The following CTBS variants were observed in gnomAD, a reference collection of about 807,000 sequenced individuals.
CTBS encodes the protein chitobiase.
Under a neutral mutation model 44.3 loss-of-function variants are expected in CTBS, and 35 were observed. The ratio of observed to expected loss-of-function variants is 0.79; its 90% CI spans 0.60 to 1.05. The LOEUF (loss-of-function observed/expected upper bound fraction) is 1.05. Among genes scored for constraint, CTBS ranks in the 50% least tolerant of loss-of-function variants. The pLI, the probability that CTBS is intolerant of heterozygous loss-of-function variation, is 0.00. For missense variants in CTBS, 458 were observed against 475.3 expected (o/e 0.96, Z 0.34); for synonymous variants, 143 against 168.0 (o/e 0.85, Z 1.15).
intron 6 of CTBS, among the ~76,000 whole-genome samples, chr1:84,561,508 TA>T (rs1684593461): frequency 6.6e-6 from 1 of 152,254 alleles, no homozygotes; most frequent in Admixed American, 6.5e-5. Flanking sequence ...ATAAACTTAT[TA>T]ATAAAGCAGC....
At chr1:84,558,337 T>G (rs974391563) in intron 6 of CTBS, among the ~76,000 whole-genome samples, 2 of 151,392 alleles carry the variant, frequency 1.3e-5, no homozygotes, top group Non-Finnish European at 1.5e-5. Flanking sequence ...TCGCCCAGGC[T>G]GGAGTGCAGT....
intron 1 of CTBS, among the ~76,000 whole-genome samples, chr1:84,573,635 C>T (rs11164009): frequency 0.14 from 21,486 of 152,182 alleles, 3,728 homozygotes; most frequent in African/African-American, 0.42. Context: ...TTTCAGTCAT[C>T]GAAGTGGGCA....
Position 84,550,493 on chromosome 1 carries a change from T to C in CTBS, c.*4506A>G. On this transcript the variant is annotated 3_prime_UTR_variant, in exon 7 of 7. Coordinates refer to ENST00000370630, the MANE Select transcript of CTBS (RefSeq NM_004388.3). ...GCAATTGACCAGCTTAAGAGAAAAC[T>C]AGATACTGACAAAATGAAACTCATA... 6.4e-7 allele frequency: 1 copy of C among 1,568,418 alleles called. No homozygotes were observed. Among genetic ancestry groups the C allele is most frequent in the Non-Finnish European group, 8.7e-7 (1 of 1,155,914 alleles).
chr1:84,564,702 A>T (rs1320645107), intron 4 of CTBS, among the ~76,000 whole-genome samples: 1 of 152,126 alleles, frequency 6.6e-6, no homozygotes, highest in Non-Finnish European at 1.5e-5. Context: ...GGGAACCCTC[A>T]ATTAATAATT....
Position 84,563,787 on chromosome 1 carries a change from A to G in CTBS, c.743T>C (p.Val248Ala). The G allele has an allele frequency of 6.2e-7, 1 of 1,609,376 alleles. No homozygotes were observed. Among genetic ancestry groups the G allele is most frequent in the South Asian group, 1.1e-5 (1 of 90,458 alleles). The change falls in exon 5 of 7, where the codon GTA becomes GCA. Residue 248 changes from valine to alanine, a missense_variant. Coordinates refer to ENST00000370630, the MANE Select transcript of CTBS (RefSeq NM_004388.3). ...ATAACCATACCAAGGAACACCCATTACAAGTTTCTTAGGATTAATGCTCAT... is the reference window on the plus strand; with the variant it reads ...ATAACCATACCAAGGAACACCCATTGCAAGTTTCTTAGGATTAATGCTCAT... ...IKMSINPKKL[V>A]MGVPWYGYDY...
rs1477214055 is a variant in CTBS at position 84,552,175 on chromosome 1, T to C, written c.*2824A>G. ...CCCCAAAACAGCACTACCTATAAGA[T>C]TCAGAACTAAGGGACAAAAAAAACC... On this transcript the variant is annotated 3_prime_UTR_variant, in exon 7 of 7. Coordinates refer to ENST00000370630, the MANE Select transcript of CTBS (RefSeq NM_004388.3). 6.6e-6 allele frequency: 1 copy of C among 152,140 alleles called. No individual in the cohort carries two copies. Among genetic ancestry groups the C allele is most frequent in the Non-Finnish European group, 1.5e-5 (1 of 68,018 alleles). 9.4% of individuals were successfully genotyped at this position (152,140 alleles called of 1,614,324 possible).
chr1:84,572,836 G>A (rs1647354656), intron 1 of CTBS, among the ~76,000 whole-genome samples: 4 of 151,876 alleles, frequency 2.6e-5, no homozygotes, highest in Admixed American at 6.6e-5. Context: ...CCGCCACCAC[G>A]CCCAGCTAAT....
rs1387952837 is a variant in CTBS, at chr1:84,552,498, A to G, written c.*2501T>C. 1 of 152,174 alleles carries G rather than the reference A, an allele frequency of 6.6e-6. No homozygotes were observed. The highest frequency in any genetic ancestry group is 1.5e-5 in the Non-Finnish European group (1 of 68,050). 9.4% of individuals were successfully genotyped at this position (152,174 alleles called of 1,614,324 possible). A position where few individuals can be genotyped will look rare whatever the true frequency, so the allele number is the denominator to read the frequency against. On this transcript the variant is annotated 3_prime_UTR_variant, in exon 7 of 7. Transcript: ENST00000370630. The stretch of plus-strand genomic sequence containing the variant: ...CTTGAGCAAGTTACTTAGCCTCTAA[A>G]GGTCTCCATTTCAACTGTAAAATGG...
At chr1:84,556,500 C>T (rs1360199779) in intron 6 of CTBS, among the ~76,000 whole-genome samples, 1 of 151,700 alleles carries the variant, frequency 6.6e-6, no homozygotes, top group Non-Finnish European at 1.5e-5. Flanking sequence ...ATCATGAGGT[C>T]GAGAGATCGA....
intron 4 of CTBS, 113 bp downstream of exon 4, chr1:84,565,728 C>T: frequency 1.9e-6 from 1 of 524,844 alleles, no homozygotes; most frequent in Non-Finnish European, 2.8e-6. Flanking sequence ...TGAAGCAAGC[C>T]TTACAATTGA....
At chr1:84,555,729 C>T (rs1233139444) in intron 6 of CTBS, among the ~76,000 whole-genome samples, 1 of 152,194 alleles carries the variant, frequency 6.6e-6, no homozygotes, top group Admixed American at 6.5e-5. Context: ...AATACAGATT[C>T]CTGGGTCCCA....
chr1:84,570,083 G>C lies in CTBS; in HGVS notation c.373C>G (p.Gln125Glu), dbSNP rs763580792. 6.2e-7 allele frequency: 1 copy of C among 1,613,556 alleles called. No homozygotes were observed. Among genetic ancestry groups the C allele is most frequent in the East Asian group, 2.2e-5 (1 of 44,756 alleles). ...TGTGTTTTGGCCAAATTAAGTTTTTGAGCTATCCAGGATGCTCTGAAAGCA... is the reference window on the plus strand; with the variant it reads ...TGTGTTTTGGCCAAATTAAGTTTTTCAGCTATCCAGGATGCTCTGAAAGCA... Reference protein sequence around the residue: ...DPAFRASWIAQKLNLAKTQYM... With the variant: ...DPAFRASWIAEKLNLAKTQYM... The change falls in exon 3 of 7, where the codon CAA (glutamine) becomes GAA (glutamate). Residue 125 changes from glutamine (Q) to glutamate (E), a missense_variant. Coordinates refer to ENST00000370630, the MANE Select transcript of CTBS (RefSeq NM_004388.3).
chr1:84,557,888 A>G (rs1684495180), intron 6 of CTBS, among the ~76,000 whole-genome samples: 1 of 151,840 alleles, frequency 6.6e-6, no homozygotes, highest in Non-Finnish European at 1.5e-5. Flanking sequence ...GGAAACAGTT[A>G]TAACTAGATT....
At chr1:84,568,589 C>T (rs80282446) in intron 3 of CTBS, among the ~76,000 whole-genome samples, 7,433 of 152,240 alleles carry the variant, frequency 0.049, 235 homozygotes, top group Admixed American at 0.091. Context: ...GTTCTCTAAG[C>T]TCTATCCCAG....
Position 84,550,466 on chromosome 1 carries a change from A to G in CTBS, c.*4533T>C. On this transcript the variant is annotated 3_prime_UTR_variant, in exon 7 of 7. Coordinates refer to ENST00000370630, the MANE Select transcript of CTBS (RefSeq NM_004388.3). ...ATAATCCAGATCACTGAGGTACAGC[A>G]TGCAATTGACCAGCTTAAGAGAAAA... is the stretch of plus-strand genomic sequence containing the variant. 1 of 1,567,248 alleles carries G rather than the reference A, an allele frequency of 6.4e-7. No homozygotes were observed. Among genetic ancestry groups the G allele is most frequent in the Non-Finnish European group, 8.7e-7 (1 of 1,155,288 alleles).
chr1:84,558,324 C>T (rs1032687738), intron 6 of CTBS, among the ~76,000 whole-genome samples: 4 of 150,466 alleles, frequency 2.7e-5, no homozygotes, highest in African/African-American at 9.8e-5. Context: ...GAGTCTCGCT[C>T]TGTCGCCCAG....
At chr1:84,565,620 A>T (rs1384683511) in intron 4 of CTBS, among the ~76,000 whole-genome samples, 1 of 152,214 alleles carries the variant, frequency 6.6e-6, no homozygotes, top group East Asian at 1.9e-4. Context: ...CTAGAAATAT[A>T]CCTATACCAC....
chr1:84,560,095 AAAAAAGAAAG>A lies in CTBS; in HGVS notation c.957+3152_957+3161del, dbSNP rs1190040136. 3.8e-5 allele frequency among the ~76,000 whole-genome samples: 5 copies of A among 133,200 alleles called. No individual in the cohort carries two copies. In the South Asian group the frequency reaches 7.3e-4, roughly 20 times the overall value. 87.4% of individuals were successfully genotyped at this position (133,200 alleles called of 152,430 possible). ...CAAGACTCTGTCTCAAAAAAAAAAA[AAAAAAGAAAG>A]AAAGAAAGAAAGAAAGAAAGAAAGA... On this transcript the variant is annotated intron_variant, in intron 6 of 6. Coordinates refer to ENST00000370630, the MANE Select transcript of CTBS (RefSeq NM_004388.3).
Position 84,551,716 on chromosome 1 carries a change from A to G in CTBS, c.*3283T>C, listed in dbSNP as rs1430300273. Reference sequence around the variant, plus strand: ...ATAGAAAAGGAAAAGAGCAGAGGATAATTTTTAACAAAATATCAGTTAAAT... The same window carrying G: ...ATAGAAAAGGAAAAGAGCAGAGGATGATTTTTAACAAAATATCAGTTAAAT... On this transcript the variant is annotated 3_prime_UTR_variant, in exon 7 of 7. Transcript: ENST00000370630. 6.6e-6 allele frequency: 1 copy of G among 152,176 alleles called. No homozygotes were observed. The highest frequency in any genetic ancestry group is 2.4e-5 in the African/African-American group (1 of 41,452). 9.4% of individuals were successfully genotyped at this position (152,176 alleles called of 1,614,324 possible).
Sources: gnomAD v4.1 joint callset for allele counts (sites outside exome capture counted in the v4.1 genomes callset) on GRCh38, gnomAD v4.1.1 for gene constraint, MANE v1.5 for transcripts, NCBI Gene and HGNC (gene_info 2026-07-23, HGNC 2026-07-21) for gene names.